The following PAPSS2 variants were observed in gnomAD, a reference collection of about 807,000 sequenced individuals.
The protein encoded by PAPSS2 is 3'-phosphoadenosine 5'-phosphosulfate synthase 2.
In PAPSS2, 61 loss-of-function variants were observed where a neutral mutation model predicts 66.5. The observed-to-expected ratio is 0.92, with a 90% CI of 0.75 to 1.14. The LOEUF (loss-of-function observed/expected upper bound fraction) is 1.14, where lower values mean the gene tolerates loss of function less well. Among genes scored for constraint, PAPSS2 ranks in the 50% most tolerant of loss-of-function variants. PAPSS2 has a pLI of 0.00. For missense variants in PAPSS2, 708 were observed against 789.6 expected (o/e 0.90, Z 1.24); for synonymous variants, 289 against 287.5 (o/e 1.01, Z -0.05).
At chr10:87,700,825 G>A (rs559051575) in intron 1 of PAPSS2, among the ~76,000 whole-genome samples, 2 of 151,898 alleles carry the variant, frequency 1.3e-5, no homozygotes, top group South Asian at 4.1e-4. Flanking sequence ...GATATCCAAA[G>A]TAGAAGGGAA....
chr10:87,709,318 G>A lies in PAPSS2; in HGVS notation c.145+5G>A. 6.8e-7 allele frequency: 1 copy of A among 1,473,332 alleles called. No homozygotes were observed. 91.3% of individuals were successfully genotyped at this position (1,473,332 alleles called of 1,614,324 possible). A position where few individuals can be genotyped will look rare whatever the true frequency, so the allele number is the denominator to read the frequency against. On this transcript the variant is annotated splice_donor_5th_base_variant and intron_variant, in intron 2 of 12. Transcript: ENST00000456849. The stretch of plus-strand genomic sequence containing the variant: ...GATGTACCGTGTGGCTAACAGGTAT[G>A]TCATGTTCATATATATATATATATA...
chr10:87,710,967 A>G (rs2131933019), intron 2 of PAPSS2, among the ~76,000 whole-genome samples: 1 of 152,308 alleles, frequency 6.6e-6, no homozygotes, highest in East Asian at 1.9e-4. Context: ...CCGCCACTGC[A>G]CTCCAGCCTG....
intron 1 of PAPSS2, chr10:87,660,265 C>T (rs1391222524): frequency 5.0e-6 from 3 of 597,144 alleles, no homozygotes; most frequent in Non-Finnish European, 8.9e-6. Context: ...CGCGAGAGAC[C>T]TCCCGAGCTT....
chr10:87,690,028 C>T (rs1158151604), intron 1 of PAPSS2, among the ~76,000 whole-genome samples: 2 of 152,092 alleles, frequency 1.3e-5, no homozygotes, highest in African/African-American at 4.8e-5. Flanking sequence ...CTATAATGGA[C>T]AATTTAGTTA....
chr10:87,660,104 G>A (rs748975988), intron 1 of PAPSS2, 96 bp downstream of exon 1: 32 of 1,286,168 alleles, frequency 2.5e-5, no homozygotes, highest in Non-Finnish European at 3.1e-5. Flanking sequence ...CACCCTCCCC[G>A]GGAGGGGGCG....
intron 1 of PAPSS2, among the ~76,000 whole-genome samples, chr10:87,671,539 T>C (rs1434778647): frequency 6.6e-6 from 1 of 152,190 alleles, no homozygotes; most frequent in East Asian, 1.9e-4. Context: ...TAGAAATAAT[T>C]GCAGTGACTT....
chr10:87,711,867 G>A (rs1448938827), intron 2 of PAPSS2, among the ~76,000 whole-genome samples: 1 of 151,930 alleles, frequency 6.6e-6, no homozygotes, highest in Non-Finnish European at 1.5e-5. Flanking sequence ...GTCATGCCAA[G>A]GTGCTGTCGG....
At chr10:87,705,553 A>G (rs1853372029) in intron 1 of PAPSS2, among the ~76,000 whole-genome samples, 1 of 152,128 alleles carries the variant, frequency 6.6e-6, no homozygotes, top group Non-Finnish European at 1.5e-5. Flanking sequence ...ATATGAGAGC[A>G]CATGTTTGCT....
At chr10:87,733,166 A>G (rs927031114) in intron 9 of PAPSS2, among the ~76,000 whole-genome samples, 2 of 152,188 alleles carry the variant, frequency 1.3e-5, no homozygotes, top group African/African-American at 2.4e-5. Flanking sequence ...TCCATGTGGC[A>G]CTGGGAGTGA....
rs1427683359 is a variant in PAPSS2 at position 87,720,942 on chromosome 10, A to G, written c.866-814A>G. The stretch of plus-strand genomic sequence containing the variant: ...ATGTCACATTTAAATTTAAAAATGC[A>G]ACCTCAAGCTTGTGTTGACTGATGG... On this transcript the variant is annotated intron_variant, in intron 7 of 12. Coordinates refer to ENST00000456849, the MANE Select transcript of PAPSS2 (RefSeq NM_001015880.2). Among the ~76,000 whole-genome samples, 3 of 152,188 alleles carry G rather than the reference A, an allele frequency of 2.0e-5. No homozygotes were observed. The East Asian group carries it at 5.8e-4, about 29-fold the overall frequency.
At chr10:87,729,784 G>A (rs977410005) in intron 9 of PAPSS2, among the ~76,000 whole-genome samples, 5 of 152,140 alleles carry the variant, frequency 3.3e-5, no homozygotes, top group Non-Finnish European at 5.9e-5. Context: ...ATCACTTGAA[G>A]TCAGGAGTCC....
At chr10:87,661,425 C>A (rs1156751302) in intron 1 of PAPSS2, among the ~76,000 whole-genome samples, 1 of 152,128 alleles carries the variant, frequency 6.6e-6, no homozygotes, top group African/African-American at 2.4e-5. Flanking sequence ...GTATTTTGTT[C>A]CTATTTAATG....
At chr10:87,676,237 T>G (rs1384164886) in intron 1 of PAPSS2, among the ~76,000 whole-genome samples, 3 of 152,136 alleles carry the variant, frequency 2.0e-5, no homozygotes, top group Non-Finnish European at 2.9e-5. Flanking sequence ...GATTCCCATA[T>G]CACAATTAAG....
At chr10:87,694,696 A>T (rs1216775842) in intron 1 of PAPSS2, among the ~76,000 whole-genome samples, 3 of 152,224 alleles carry the variant, frequency 2.0e-5, no homozygotes, top group Non-Finnish European at 4.4e-5. Context: ...CAAGCTAAGG[A>T]TTAGGACTTT....
rs747836738 is a variant in PAPSS2 at position 87,741,331 on chromosome 10, C to T, written c.1183C>T (p.Pro395Ser). 1.9e-6 allele frequency: 3 copies of T among 1,613,618 alleles called. No homozygotes were observed. The highest frequency in any genetic ancestry group is 2.2e-5 in the South Asian group (2 of 91,082). The change falls in exon 10 of 13, where the codon CCT (proline) becomes TCT (serine). Residue 395 changes from proline to serine, a missense_variant. Pro to Ser is a moderately conservative substitution (Grantham distance 74, BLOSUM62 -1). Transcript: ENST00000456849. ...TGGGCTGGACCAATACCGTCTGACACCTCTGGAGCTCAAACAGAAATGTAA... is the reference window on the plus strand; with the variant it reads ...TGGGCTGGACCAATACCGTCTGACATCTCTGGAGCTCAAACAGAAATGTAA... ...NDGLDQYRLTPLELKQKCKEM... is the reference protein window; with the variant it reads ...NDGLDQYRLTSLELKQKCKEM...
intron 1 of PAPSS2, among the ~76,000 whole-genome samples, chr10:87,669,244 G>T (rs1852847979): frequency 6.6e-6 from 1 of 152,150 alleles, no homozygotes; most frequent in Admixed American, 6.5e-5. Context: ...AGAAAAAGTT[G>T]TATTTGGTAA....
At chr10:87,684,768 G>A (rs994712552) in intron 1 of PAPSS2, among the ~76,000 whole-genome samples, 3 of 152,112 alleles carry the variant, frequency 2.0e-5, no homozygotes, top group African/African-American at 4.8e-5. Context: ...TTTTGCTGAC[G>A]GGGAGATTGA....
chr10:87,683,104 T>TG (rs1853044624), intron 1 of PAPSS2, among the ~76,000 whole-genome samples: 1 of 150,486 alleles, frequency 6.6e-6, no homozygotes, highest in African/African-American at 2.5e-5. Flanking sequence ...CTTTTTTTTT[T>TG]TTTTGAGACA....
chr10:87,741,282 G>A lies in PAPSS2; in HGVS notation c.1134G>A (p.Val378=). 6.2e-7 allele frequency: 1 copy of A among 1,613,702 alleles called. No individual in the cohort carries two copies. Among genetic ancestry groups the A allele is most frequent in the African/African-American group, 1.3e-5 (1 of 75,050 alleles). The change falls in exon 10 of 13, where the codon GTG becomes GTA. Residue 378 remains valine (V), a synonymous_variant. Coordinates refer to ENST00000456849, the MANE Select transcript of PAPSS2 (RefSeq NM_001015880.2). ...GDWLVGGDLQ[V]LEKIRWNDGL... Reference sequence around the variant, plus strand: ...GGCTGGTTGGTGGAGACCTTCAGGTGCTGGAGAAAATAAGATGGAATGATG... The same window carrying A: ...GGCTGGTTGGTGGAGACCTTCAGGTACTGGAGAAAATAAGATGGAATGATG...
Sources: allele counts gnomAD v4.1 joint callset (sites outside exome capture counted in the v4.1 genomes callset), GRCh38; gene constraint gnomAD v4.1.1; transcripts MANE v1.5; gene names NCBI Gene and HGNC (gene_info 2026-07-23, HGNC 2026-07-21).